KCNMB4: variants seen among roughly 807,000 people sequenced by gnomAD.
KCNMB4 encodes potassium calcium-activated channel subfamily M regulatory beta subunit 4.
Under a neutral mutation model 20.7 loss-of-function variants are expected in KCNMB4, and 3 were observed. The ratio of observed to expected loss-of-function variants is 0.14; its 90% confidence interval spans 0.07 to 0.37. KCNMB4 has a LOEUF of 0.37. Among genes scored for constraint, KCNMB4 ranks in the 10% least tolerant of loss-of-function variants. The pLI, the probability that KCNMB4 is intolerant of heterozygous loss-of-function variation, is 1.00. For synonymous variants in KCNMB4, 110 were observed against 113.4 expected, an observed-to-expected ratio of 0.97 and a Z score of 0.19; for missense variants, 168 against 265.9, an observed-to-expected ratio of 0.63 and a Z score of 2.56.
chr12:70,416,284 G>C (rs1355826407), intron 2 of KCNMB4, among the ~76,000 whole-genome samples: 2 of 152,160 alleles, frequency 1.3e-5, no homozygotes, highest in Non-Finnish European at 2.9e-5. Flanking sequence ...GCACCTATCT[G>C]GGACATTAAT....
intron 2 of KCNMB4, among the ~76,000 whole-genome samples, chr12:70,420,576 C>T (rs1276204158): frequency 1.3e-5 from 2 of 152,164 alleles, no homozygotes; most frequent in Admixed American, 1.3e-4. Flanking sequence ...CCTGCTGACA[C>T]CTTCATTTTA....
intron 1 of KCNMB4, among the ~76,000 whole-genome samples, chr12:70,373,682 TGATTAGATA>T (rs1170819505): frequency 6.6e-6 from 1 of 152,246 alleles, no homozygotes; most frequent in Non-Finnish European, 1.5e-5. Flanking sequence ...AGGTGACTTA[TGATTAGATA>T]TTTAAAGGCG....
chr12:70,388,131 TC>T (rs1365110166), intron 1 of KCNMB4, among the ~76,000 whole-genome samples: 2 of 152,172 alleles, frequency 1.3e-5, no homozygotes. Context: ...TCCAGTTCCG[TC>T]CATGATGTTG....
In KCNMB4 at chr12:70,430,699, TC is replaced by T; in HGVS notation, c.*47del. 1.3e-6 allele frequency: 2 copies of T among 1,501,100 alleles called. No homozygotes were observed. Among genetic ancestry groups the T allele is most frequent in the South Asian group, 2.7e-5 (2 of 74,482 alleles). The allele number at this position is 1,501,100 out of a possible 1,614,324, so 93.0% of individuals were successfully genotyped here. ...AAGCAAAGTACAGAAGCTGTACTCA[TC>T]GGCACGCGTCCACCTGCGGAACCTG... On this transcript the variant is annotated 3_prime_UTR_variant, in exon 3 of 3. Coordinates refer to ENST00000258111, the MANE Select transcript of KCNMB4 (RefSeq NM_014505.6).
At position 70,366,719 on chromosome 12, in the gene KCNMB4, C is replaced by T; in HGVS notation, c.-16C>T. 2 of 1,546,396 alleles carry T rather than the reference C, an allele frequency of 1.3e-6. No homozygotes were observed. The stretch of plus-strand genomic sequence containing the variant: ...GGGGGCGGGGGGAGCACGCCAGCCG[C>T]CGAGAGTGGGGGGCGATGGCGAAGC... On this transcript the variant is annotated 5_prime_UTR_variant, in exon 1 of 3. Transcript: ENST00000258111.
At chr12:70,402,473 T>C (rs900362405) in intron 2 of KCNMB4, among the ~76,000 whole-genome samples, 2 of 151,470 alleles carry the variant, frequency 1.3e-5, no homozygotes, top group African/African-American at 2.4e-5. Flanking sequence ...GGAGACCCTG[T>C]CTCTACAAAA....
At chr12:70,394,825 C>T (rs527679352) in intron 1 of KCNMB4, among the ~76,000 whole-genome samples, 11 of 152,196 alleles carry the variant, frequency 7.2e-5, no homozygotes, top group Non-Finnish European at 1.5e-4. Flanking sequence ...TACTACCATG[C>T]CTGGCTGATT....
intron 2 of KCNMB4, among the ~76,000 whole-genome samples, chr12:70,419,696 A>G (rs1268973742): frequency 6.6e-6 from 1 of 152,252 alleles, no homozygotes; most frequent in African/African-American, 2.4e-5. Flanking sequence ...AACTGAGTAA[A>G]GAAGAACCAA....
chr12:70,370,074 A>G (rs1593318364), intron 1 of KCNMB4, among the ~76,000 whole-genome samples: 2 of 151,952 alleles, frequency 1.3e-5, no homozygotes, highest in South Asian at 2.1e-4. Flanking sequence ...GCTGGGTCCA[A>G]CTCTCCAAGA....
intron 2 of KCNMB4, among the ~76,000 whole-genome samples, chr12:70,407,790 C>T (rs1181949621): frequency 9.9e-5 from 15 of 152,046 alleles, no homozygotes; most frequent in Admixed American, 9.8e-4. Context: ...AATTCTAATC[C>T]TCTATTCACA....
chr12:70,408,191 A>G (rs1464340797), intron 2 of KCNMB4, among the ~76,000 whole-genome samples: 1 of 152,126 alleles, frequency 6.6e-6, no homozygotes, highest in Non-Finnish European at 1.5e-5. Flanking sequence ...CTGGGAAGGC[A>G]GGCGTTCGGA....
At chr12:70,422,709 C>G (rs764694635) in intron 2 of KCNMB4, 1 of 1,289,010 alleles carries the variant, frequency 7.8e-7, no homozygotes, top group East Asian at 5.6e-5. Context: ...GTTTGCAGGT[C>G]TTGATGATTA....
chr12:70,394,955 C>G (rs1435885326), intron 1 of KCNMB4, among the ~76,000 whole-genome samples: 1 of 152,182 alleles, frequency 6.6e-6, no homozygotes, highest in Non-Finnish European at 1.5e-5. Context: ...GCTTGAGCCA[C>G]TGCACCTGAC....
In KCNMB4 at chr12:70,382,851, A is replaced by T. The variant is rs767481071; in HGVS notation, c.336+15781A>T. On this transcript the variant is annotated intron_variant, in intron 1 of 2. Coordinates refer to ENST00000258111, the MANE Select transcript of KCNMB4 (RefSeq NM_014505.6). The stretch of plus-strand genomic sequence containing the variant: ...GTATCTCACTAAAAATCAAAGAAAT[A>T]CAGTCGTTCATTGTTTAAGGTGATT... 7.0e-4 allele frequency among the ~76,000 whole-genome samples: 106 copies of T among 152,196 alleles called. 1 individual carries two copies. The highest frequency in any genetic ancestry group is 1.3e-4 in the Non-Finnish European group (9 of 68,034).
chr12:70,369,563 A>G (rs1253011923), intron 1 of KCNMB4, among the ~76,000 whole-genome samples: 1 of 152,208 alleles, frequency 6.6e-6, no homozygotes, highest in Non-Finnish European at 1.5e-5. Context: ...TTCATGACCC[A>G]CCAACACAAG....
At chr12:70,415,074 T>C (rs1868880914) in intron 2 of KCNMB4, among the ~76,000 whole-genome samples, 1 of 152,262 alleles carries the variant, frequency 6.6e-6, no homozygotes, top group South Asian at 2.1e-4. Context: ...CTGTTTACCA[T>C]GCTGCCTCTG....
intron 2 of KCNMB4, among the ~76,000 whole-genome samples, chr12:70,411,260 T>C (rs1593342271): frequency 1.3e-5 from 2 of 152,126 alleles, no homozygotes; most frequent in East Asian, 1.9e-4. Context: ...AAGAAATAAA[T>C]GGTTAACAGT....
intron 2 of KCNMB4, among the ~76,000 whole-genome samples, chr12:70,405,025 A>G (rs140323130): frequency 3.3e-5 from 5 of 152,290 alleles, no homozygotes; most frequent in Admixed American, 2.6e-4. Flanking sequence ...AGAGGGTGAA[A>G]GGAAAATCAA....
chr12:70,414,337 A>T (rs894739203), intron 2 of KCNMB4, among the ~76,000 whole-genome samples: 6 of 152,224 alleles, frequency 3.9e-5, no homozygotes, highest in Non-Finnish European at 7.3e-5. Flanking sequence ...ATTTTTAAAG[A>T]TTCACTGTGG....
Sources: allele counts gnomAD v4.1 joint callset (sites outside exome capture counted in the v4.1 genomes callset), GRCh38; gene constraint gnomAD v4.1.1; transcripts MANE v1.5; gene names NCBI Gene and HGNC (gene_info 2026-07-23, HGNC 2026-07-21).